Variants in DPF3 observed in about 807,000 individuals in gnomAD.
DPF3 encodes zinc finger protein DPF3.
A neutral mutation model predicts 56.8 loss-of-function variants in DPF3; 18 were observed. That is an observed-to-expected ratio of 0.32 (90% CI 0.22 to 0.47). The LOEUF is 0.47. Among genes scored for constraint, DPF3 ranks in the 20% least tolerant of loss-of-function variants. The probability of loss-of-function intolerance (pLI) is 1.00; values close to 1 mark genes in which losing one functional copy is unlikely to be tolerated. For synonymous variants in DPF3, 188 were observed against 180.2 expected (o/e 1.04, Z -0.35); for missense variants, 403 against 488.8 (o/e 0.82, Z 1.65).
intron 6 of DPF3, among the ~76,000 whole-genome samples, chr14:72,708,973 G>A (rs1029494214): frequency 3.9e-5 from 6 of 152,266 alleles, no homozygotes; most frequent in Admixed American, 3.9e-4. Flanking sequence ...GAGGAAACCA[G>A]TGCCATAGCA....
In DPF3 at chr14:72,636,940, C is replaced by T. The variant is rs146379403; in HGVS notation, c.872-7204G>A. Among the ~76,000 whole-genome samples the T allele has an allele frequency of 1.5e-3, 222 of 152,296 alleles. 1 individual carries two copies. The highest frequency in any genetic ancestry group is 5.0e-3 in the African/African-American group (208 of 41,552). Reference sequence around the variant, plus strand: ...TGATAGCGTGAGCTGTGTGGCTGCCCTTTCTTGGGCAAAACACCTTCCTGT... The same window carrying T: ...TGATAGCGTGAGCTGTGTGGCTGCCTTTTCTTGGGCAAAACACCTTCCTGT... On this transcript the variant is annotated intron_variant, in intron 8 of 10. Transcript: ENST00000556509.
rs1211967214 is a variant in DPF3, at chr14:72,893,906, TGAA to T, written c.32+148_32+150del. 455 of 828,014 alleles carry T rather than the reference TGAA, an allele frequency of 5.5e-4. 2 individuals are homozygous for T. The highest frequency in any genetic ancestry group is 3.0e-4 in the Non-Finnish European group (153 of 508,108). The allele number at this position is 828,014 out of a possible 1,614,324, so 51.3% of individuals were successfully genotyped here. A position where few individuals can be genotyped will look rare whatever the true frequency, so the allele number is the denominator to read the frequency against. On this transcript the variant is annotated intron_variant, in intron 1 of 10. Coordinates refer to ENST00000556509, the MANE Select transcript of DPF3 (RefSeq NM_001280542.3). ...TGCGCGTTGGGGGAAAAAAAGAAGATGAAGAAGTAAGAGCTGAAAGAAGAGAGA... is the reference window on the plus strand; with the variant it reads ...TGCGCGTTGGGGGAAAAAAAGAAGATGAAGTAAGAGCTGAAAGAAGAGAGA...
intron 1 of DPF3, among the ~76,000 whole-genome samples, chr14:72,811,999 C>G (rs139590354): frequency 6.6e-6 from 1 of 152,074 alleles, no homozygotes; most frequent in Non-Finnish European, 1.5e-5. Flanking sequence ...CCTCTCCTGC[C>G]GTCTTGGAAC....
At chr14:72,754,456 A>G (rs1438605121) in intron 2 of DPF3, among the ~76,000 whole-genome samples, 1 of 152,232 alleles carries the variant, frequency 6.6e-6, no homozygotes, top group East Asian at 1.9e-4. Flanking sequence ...ACAGAGCAGA[A>G]CCAAACTAAA....
intron 1 of DPF3, among the ~76,000 whole-genome samples, chr14:72,857,147 T>C (rs1307852415): frequency 1.3e-5 from 2 of 152,138 alleles, no homozygotes; most frequent in African/African-American, 4.8e-5. Flanking sequence ...TTGAAGAGCT[T>C]AGAATAACTA....
intron 1 of DPF3, among the ~76,000 whole-genome samples, chr14:72,838,908 C>A (rs796834532): frequency 0.3 from 23,412 of 77,694 alleles, 4,412 homozygotes; most frequent in East Asian, 0.65. Flanking sequence ...CATATATATT[C>A]TTTTTTTTTT....
intron 3 of DPF3, among the ~76,000 whole-genome samples, chr14:72,734,701 G>C (rs931944250): frequency 2.0e-5 from 3 of 151,966 alleles, no homozygotes; most frequent in East Asian, 1.9e-4. Context: ...TTGTAGATGC[G>C]TCACCCGAGA....
chr14:72,650,111 G>A (rs927540823), intron 8 of DPF3, among the ~76,000 whole-genome samples: 4 of 152,068 alleles, frequency 2.6e-5, no homozygotes, highest in African/African-American at 7.2e-5. Context: ...CAACCCTCCC[G>A]CCCCATCCAC....
At position 72,613,016 on chromosome 14, in the gene DPF3, G is replaced by C. The variant is rs45468004; in HGVS notation, c.*6281C>G. On this transcript the variant is annotated 3_prime_UTR_variant, in exon 11 of 11. Transcript: ENST00000556509. ...GGCGTGTGTGTGTGTGTGTGTGTGT[G>C]TGTGTGTGTGTGTGTATGTGCGTGC... Among the ~76,000 whole-genome samples the C allele has an allele frequency of 0.13, 20,093 of 151,930 alleles. 2,037 individuals are homozygous for C. Among genetic ancestry groups the C allele is most frequent in the African/African-American group, 0.28 (11,661 of 41,366 alleles).
intron 2 of DPF3, among the ~76,000 whole-genome samples, chr14:72,764,484 G>GTTTTTTTTTTT (rs57886183): frequency 1.9e-5 from 1 of 52,770 alleles, no homozygotes; most frequent in African/African-American, 7.8e-5. Flanking sequence ...TTCCTGAGTT[G>GTTTTTTTTTTT]TTTTTTTTTT....
chr14:72,735,074 C>A (rs1234490057), intron 3 of DPF3, among the ~76,000 whole-genome samples: 1 of 152,160 alleles, frequency 6.6e-6, no homozygotes, highest in Non-Finnish European at 1.5e-5. Flanking sequence ...TAAACTCAAT[C>A]TGCCTTCAGA....
rs1054189307 is a variant in DPF3, at chr14:72,616,913, G to A, written c.*2384C>T. ...GCCCACAAGCTGGCTTGCTATCCCC[G>A]CTTTCCAGATGGGGAAACTGAGGCC... On this transcript the variant is annotated 3_prime_UTR_variant, in exon 11 of 11. Coordinates refer to ENST00000556509, the MANE Select transcript of DPF3 (RefSeq NM_001280542.3). Among the ~76,000 whole-genome samples the A allele has an allele frequency of 2.6e-5, 4 of 152,118 alleles. No homozygotes were observed. The highest frequency in any genetic ancestry group is 2.1e-4 in the South Asian group (1 of 4,816).
intron 1 of DPF3, among the ~76,000 whole-genome samples, chr14:72,854,086 G>A (rs1276115457): frequency 6.6e-6 from 1 of 152,226 alleles, no homozygotes; most frequent in Non-Finnish European, 1.5e-5. Flanking sequence ...GCCAGGCGCA[G>A]TGCCTCACAC....
At chr14:72,766,422 T>G (rs985721855) in intron 2 of DPF3, among the ~76,000 whole-genome samples, 8 of 152,216 alleles carry the variant, frequency 5.3e-5, no homozygotes, top group African/African-American at 1.9e-4. Flanking sequence ...TTTATCTATC[T>G]ACCTATCTAT....
intron 2 of DPF3, among the ~76,000 whole-genome samples, chr14:72,768,258 T>C (rs964707963): frequency 2.0e-5 from 3 of 152,218 alleles, no homozygotes; most frequent in African/African-American, 7.2e-5. Flanking sequence ...TAAACGCTTC[T>C]CTTACGTTTT....
chr14:72,849,309 G>A (rs192175633), intron 1 of DPF3, among the ~76,000 whole-genome samples: 1 of 152,278 alleles, frequency 6.6e-6, no homozygotes, highest in East Asian at 1.9e-4. Flanking sequence ...ATTGGTGAGG[G>A]GTTGCACACA....
chr14:72,756,880 AG>A (rs1439974075), intron 2 of DPF3, among the ~76,000 whole-genome samples: 5 of 101,790 alleles, frequency 4.9e-5, no homozygotes, highest in Non-Finnish European at 6.1e-5. Context: ...AAGGAAGGAA[AG>A]AAGGAAAGAA....
intron 3 of DPF3, among the ~76,000 whole-genome samples, chr14:72,735,187 GACTC>G (rs1889839767): frequency 6.6e-6 from 1 of 152,028 alleles, no homozygotes; most frequent in Non-Finnish European, 1.5e-5. Flanking sequence ...TACATTCTGA[GACTC>G]ACTCCATAGT....
At chr14:72,877,791 A>G (rs574366282) in intron 1 of DPF3, among the ~76,000 whole-genome samples, 1 of 152,308 alleles carries the variant, frequency 6.6e-6, no homozygotes, top group East Asian at 1.9e-4. Context: ...CCCTGTGCAT[A>G]AGTGACCTAA....
Sources: gnomAD v4.1 joint callset for allele counts (sites outside exome capture counted in the v4.1 genomes callset) on GRCh38, gnomAD v4.1.1 for gene constraint, MANE v1.5 for transcripts, NCBI Gene and HGNC (gene_info 2026-07-23, HGNC 2026-07-21) for gene names.